The following SGCG variants were observed in gnomAD, a reference collection of about 807,000 sequenced individuals.
SGCG encodes the protein sarcoglycan gamma.
Under a neutral mutation model 29.3 loss-of-function variants are expected in SGCG, and 26 were observed. The ratio of observed to expected loss-of-function variants is 0.89; its 90% confidence interval spans 0.65 to 1.23. The LOEUF is 1.23. SGCG is among the 50% of genes most tolerant of loss of function. The pLI is 0.00. For synonymous variants in SGCG, 145 were observed against 129.7 expected (o/e 1.12, Z -0.80); for missense variants, 353 against 356.0 (o/e 0.99, Z 0.07).
chr13:23,312,340 T>C lies in SGCG; in HGVS notation c.579-8297T>C, dbSNP rs149539740. 2.7e-3 allele frequency among the ~76,000 whole-genome samples: 418 copies of C among 152,294 alleles called. 2 individuals are homozygous for C. Among genetic ancestry groups the C allele is most frequent in the African/African-American group, 9.3e-3 (388 of 41,554 alleles). On this transcript the variant is annotated intron_variant, in intron 6 of 7. Transcript: ENST00000218867. ...CCTTTCACATTCTTTTCCAGAGGAG[T>C]AAATCCGGTTGATTTTGGTGTTTTG...
chr13:23,271,673 A>G (rs1395735749), intron 4 of SGCG, among the ~76,000 whole-genome samples: 1 of 152,154 alleles, frequency 6.6e-6, no homozygotes, highest in African/African-American at 2.4e-5. Flanking sequence ...TTGTTTTTAC[A>G]TATGAACTTT....
At chr13:23,230,854 C>G (rs1051329961) in intron 2 of SGCG, among the ~76,000 whole-genome samples, 2 of 152,114 alleles carry the variant, frequency 1.3e-5, no homozygotes, top group Non-Finnish European at 2.9e-5. Context: ...GGCCTCCTTC[C>G]TTGTCTTGTG....
chr13:23,248,332 TTA>T (rs1879802074), intron 3 of SGCG, among the ~76,000 whole-genome samples: 1 of 152,154 alleles, frequency 6.6e-6, no homozygotes. Context: ...TTGCTGTAAT[TTA>T]TCTTTTTTTC....
At chr13:23,225,780 TACACACACACAC>T (rs60718653) in intron 2 of SGCG, among the ~76,000 whole-genome samples, 1 of 148,546 alleles carries the variant, frequency 6.7e-6, no homozygotes, top group Admixed American at 6.7e-5. Flanking sequence ...GGACATGTCA[TACACACACACAC>T]ACACACACAC....
intron 5 of SGCG, among the ~76,000 whole-genome samples, chr13:23,285,584 C>A (rs1881467050): frequency 6.6e-6 from 1 of 152,178 alleles, no homozygotes; most frequent in Non-Finnish European, 1.5e-5. Context: ...CCAATTGGCT[C>A]CCTGGCTTCA....
chr13:23,225,724 A>G (rs192698555), intron 2 of SGCG, among the ~76,000 whole-genome samples: 3 of 151,886 alleles, frequency 2.0e-5, no homozygotes, highest in Non-Finnish European at 4.4e-5. Flanking sequence ...GTCCAGAGCC[A>G]GATATGCTCA....
chr13:23,291,314 T>C (rs1881697316), intron 5 of SGCG, among the ~76,000 whole-genome samples: 1 of 151,874 alleles, frequency 6.6e-6, no homozygotes, highest in Non-Finnish European at 1.5e-5. Context: ...TTTTAGATTA[T>C]ATGACTTCAA....
Position 23,203,677 on chromosome 13 carries a change from G to T in SGCG, c.1-18G>T. On this transcript the variant is annotated intron_variant, in intron 1 of 7. Coordinates refer to ENST00000218867, the MANE Select transcript of SGCG (RefSeq NM_000231.3). ...TCTGTCTCTTTCTCTCTCCTCTCGTGAACACACTCCGTGGCAGATGGTGCG... is the reference window on the plus strand; with the variant it reads ...TCTGTCTCTTTCTCTCTCCTCTCGTTAACACACTCCGTGGCAGATGGTGCG... 6.2e-7 allele frequency: 1 copy of T among 1,600,394 alleles called. No individual in the cohort carries two copies. The highest frequency in any genetic ancestry group is 1.1e-5 in the South Asian group (1 of 89,962).
chr13:23,209,035 TGAA>T (rs1878092058), intron 2 of SGCG, among the ~76,000 whole-genome samples: 1 of 152,140 alleles, frequency 6.6e-6, no homozygotes, highest in Non-Finnish European at 1.5e-5. Context: ...TAGGTTATCA[TGAA>T]GGTAAGATGA....
intron 3 of SGCG, chr13:23,247,123 T>G (rs906360173): frequency 5.6e-5 from 9 of 160,602 alleles, no homozygotes; most frequent in African/African-American, 2.2e-4. Context: ...ATCAAAGATC[T>G]GTTGCTTTCC....
At chr13:23,264,679 C>T (rs1448852856) in intron 4 of SGCG, among the ~76,000 whole-genome samples, 2 of 152,122 alleles carry the variant, frequency 1.3e-5, no homozygotes, top group African/African-American at 2.4e-5. Context: ...TCAAATTATA[C>T]TACAAGGCTG....
intron 4 of SGCG, among the ~76,000 whole-genome samples, chr13:23,255,006 G>C (rs1049904048): frequency 6.6e-6 from 1 of 152,234 alleles, no homozygotes; most frequent in African/African-American, 2.4e-5. Context: ...AGGGACACAG[G>C]CCCCACAAAG....
At chr13:23,170,084 C>T in the SGCG span, 1 of 152,174 alleles carries the variant, frequency 6.6e-6, no homozygotes, top group Non-Finnish European at 1.5e-5. Context: ...GTGGAATTTG[C>T]TCTAATTAAG....
chr13:23,280,728 A>T (rs1881275476), intron 5 of SGCG, among the ~76,000 whole-genome samples: 1 of 152,220 alleles, frequency 6.6e-6, no homozygotes, highest in South Asian at 2.1e-4. Context: ...TCTAAAAGTG[A>T]GTTGATAATA....
In SGCG at chr13:23,278,431, G is replaced by A. The variant is rs143088229; in HGVS notation, c.386-928G>A. ...GCACTCCAGCCTGGGCGACATGAGC[G>A]AAACTCTGTCTCAAAAAAAAAAAAA... On this transcript the variant is annotated intron_variant, in intron 4 of 7. Transcript: ENST00000218867. Among the ~76,000 whole-genome samples, 1,137 of 132,234 alleles carry A rather than the reference G, an allele frequency of 8.6e-3. 17 individuals are homozygous for A. The highest frequency in any genetic ancestry group is 0.028 in the African/African-American group (1,051 of 36,988). 86.8% of individuals were successfully genotyped at this position (132,234 alleles called of 152,430 possible). A position where few individuals can be genotyped will look rare whatever the true frequency, so the allele number is the denominator to read the frequency against.
intron 6 of SGCG, among the ~76,000 whole-genome samples, chr13:23,313,447 G>T (rs981076163): frequency 1.3e-5 from 2 of 152,138 alleles, no homozygotes; most frequent in African/African-American, 4.8e-5. Flanking sequence ...TTACAGACGT[G>T]AGCCACTGAG....
chr13:23,292,029 G>C (rs1193144494), intron 5 of SGCG, among the ~76,000 whole-genome samples: 1 of 152,118 alleles, frequency 6.6e-6, no homozygotes, highest in East Asian at 1.9e-4. Flanking sequence ...TCTACCTGCT[G>C]CCCTCACTCA....
intron 4 of SGCG, among the ~76,000 whole-genome samples, chr13:23,274,391 T>TTC (rs1301386697): frequency 2.0e-4 from 23 of 116,748 alleles, no homozygotes; most frequent in Non-Finnish European, 3.5e-4. Flanking sequence ...CTTTCTTTCT[T>TTC]TCTCTTTTTT....
chr13:23,291,639 A>G (rs1398354153), intron 5 of SGCG, among the ~76,000 whole-genome samples: 1 of 152,222 alleles, frequency 6.6e-6, no homozygotes, highest in Non-Finnish European at 1.5e-5. Context: ...ATATCAGTTT[A>G]TAGATTTTAT....
Sources: allele counts gnomAD v4.1 joint callset (sites outside exome capture counted in the v4.1 genomes callset), GRCh38; gene constraint gnomAD v4.1.1; transcripts MANE v1.5; gene names NCBI Gene and HGNC (gene_info 2026-07-23, HGNC 2026-07-21).